The following RGS8 variants were observed in gnomAD, a reference collection of about 807,000 sequenced individuals.
The protein encoded by RGS8 is regulator of G-protein signaling 8.
A neutral mutation model predicts 21.7 loss-of-function variants in RGS8; 8 were observed. The observed-to-expected ratio is 0.37, with a 90% CI of 0.22 to 0.66. RGS8 has a LOEUF of 0.66. Among genes scored for constraint, RGS8 ranks in the 30% least tolerant of loss-of-function variants. RGS8 has a pLI of 0.59. For missense variants in RGS8, 157 were observed against 217.9 expected (o/e 0.72, Z 1.76); for synonymous variants, 80 against 83.6 (o/e 0.96, Z 0.24).
intron 1 of RGS8, among the ~76,000 whole-genome samples, chr1:182,678,336 A>G (rs900259483): frequency 6.6e-6 from 1 of 152,244 alleles, no homozygotes; most frequent in African/African-American, 2.4e-5. Flanking sequence ...AGAAAACTGA[A>G]ATACAGAAGG....
the RGS8 span, among the ~76,000 whole-genome samples, chr1:182,705,809 A>T: frequency 6.6e-6 from 1 of 152,092 alleles, no homozygotes; most frequent in Non-Finnish European, 1.5e-5. Flanking sequence ...TGTGCCCCTG[A>T]CTCAGCAAGG....
At chr1:182,708,526 T>C in the RGS8 span, among the ~76,000 whole-genome samples, 2 of 152,224 alleles carry the variant, frequency 1.3e-5, no homozygotes, top group Admixed American at 6.5e-5. Flanking sequence ...AATGGACTGA[T>C]AGCATAATAC....
the RGS8 span, among the ~76,000 whole-genome samples, chr1:182,721,014 T>TGTGTGTATATATAC: frequency 9.5e-6 from 1 of 105,454 alleles, no homozygotes; most frequent in African/African-American, 4.0e-5. Flanking sequence ...TATACATATA[T>TGTGTGTATATATAC]ACACATATAT....
the RGS8 span, among the ~76,000 whole-genome samples, chr1:182,727,782 T>C: frequency 6.6e-6 from 1 of 152,270 alleles, no homozygotes; most frequent in Middle Eastern, 3.4e-3. Context: ...ATTATGCATA[T>C]TAATCTGCAT....
At chr1:182,715,320 A>G in the RGS8 span, among the ~76,000 whole-genome samples, 2 of 152,310 alleles carry the variant, frequency 1.3e-5, no homozygotes, top group East Asian at 3.9e-4. Context: ...ATACACAACA[A>G]ATAGCATACT....
chr1:182,649,842 AC>A (rs1157399046), intron 5 of RGS8, among the ~76,000 whole-genome samples: 7 of 151,668 alleles, frequency 4.6e-5, no homozygotes, highest in African/African-American at 1.7e-4. Flanking sequence ...GTTATAAAAG[AC>A]CCCGGCAATA....
chr1:182,698,923 G>A, the RGS8 span, among the ~76,000 whole-genome samples: 168 of 152,338 alleles, frequency 1.1e-3, 1 homozygote, highest in African/African-American at 3.8e-3. Context: ...TCTCCGTAAT[G>A]AATGTGGAGT....
chr1:182,751,992 T>C, the RGS8 span, among the ~76,000 whole-genome samples: 2 of 152,184 alleles, frequency 1.3e-5, no homozygotes, highest in East Asian at 3.9e-4. Context: ...GTTCCTATTG[T>C]CTTACACCCA....
At chr1:182,676,512 G>A (rs1664363056), upstream of RGS8, among the ~76,000 whole-genome samples, 1 of 152,162 alleles carries the variant, frequency 6.6e-6, no homozygotes, top group African/African-American at 2.4e-5. Context: ...AAGGACACAT[G>A]GAAGGGCAGG....
the RGS8 span, among the ~76,000 whole-genome samples, chr1:182,713,604 C>T: frequency 1.1e-3 from 168 of 152,288 alleles, no homozygotes; most frequent in African/African-American, 3.3e-3. Context: ...TTCCTGATGA[C>T]ACAAGGGCCT....
chr1:182,729,160 G>T, the RGS8 span, among the ~76,000 whole-genome samples: 3 of 152,224 alleles, frequency 2.0e-5, no homozygotes, highest in Non-Finnish European at 2.9e-5. Flanking sequence ...ATGGTTGATT[G>T]TATTAGAGAT....
upstream of RGS8, among the ~76,000 whole-genome samples, chr1:182,687,358 T>C (rs187148823): frequency 2.0e-4 from 30 of 152,364 alleles, no homozygotes; most frequent in Admixed American, 1.5e-3. Context: ...CTAACAACTT[T>C]CCAAAGATGC....
At chr1:182,712,231 A>C in the RGS8 span, among the ~76,000 whole-genome samples, 1 of 152,356 alleles carries the variant, frequency 6.6e-6, no homozygotes, top group South Asian at 2.1e-4. Context: ...CAGGTTAGCT[A>C]CACATCCATG....
At chr1:182,643,549 G>A (rs1571298273), downstream of RGS8, 1 of 152,224 alleles carries the variant, frequency 6.6e-6, no homozygotes, top group African/African-American at 2.4e-5. Context: ...CTGTCTAAGA[G>A]TCCAAGTCCA....
At chr1:182,714,796 A>G in the RGS8 span, among the ~76,000 whole-genome samples, 2 of 152,308 alleles carry the variant, frequency 1.3e-5, no homozygotes, top group Non-Finnish European at 2.9e-5. Flanking sequence ...AAACGTAAAA[A>G]CATTGCTTTG....
At chr1:182,704,275 G>A in the RGS8 span, among the ~76,000 whole-genome samples, 1 of 152,210 alleles carries the variant, frequency 6.6e-6, no homozygotes, top group Non-Finnish European at 1.5e-5. Flanking sequence ...AGGACAATGG[G>A]TTGGAGAGGT....
chr1:182,663,039 G>T (rs777676432), intron 5 of RGS8, among the ~76,000 whole-genome samples: 1 of 152,132 alleles, frequency 6.6e-6, no homozygotes. Context: ...ACCAGGGAGT[G>T]GGTTCTAGAC....
At chr1:182,751,035 G>A in the RGS8 span, among the ~76,000 whole-genome samples, 2 of 152,234 alleles carry the variant, frequency 1.3e-5, no homozygotes, top group Admixed American at 1.3e-4. Context: ...AAAAAGAAGA[G>A]CTGGGCATTA....
At chr1:182,740,830 G>T in the RGS8 span, among the ~76,000 whole-genome samples, 2 of 151,992 alleles carry the variant, frequency 1.3e-5, no homozygotes, top group African/African-American at 4.8e-5. Flanking sequence ...ATTCAACCCT[G>T]AGTGGATACA....
Sources: gnomAD v4.1 joint callset for allele counts (sites outside exome capture counted in the v4.1 genomes callset) on GRCh38, gnomAD v4.1.1 for gene constraint, MANE v1.5 for transcripts, NCBI Gene and HGNC (gene_info 2026-07-23, HGNC 2026-07-21) for gene names.